CCSER1: variants seen among roughly 807,000 people sequenced by gnomAD.
CCSER1 encodes serine-rich coiled-coil domain-containing protein 1.
CCSER1 carries 41 observed loss-of-function variants against 82.0 expected under a neutral mutation model. The ratio of observed to expected loss-of-function variants is 0.50; its 90% CI spans 0.39 to 0.65. The LOEUF is 0.65. CCSER1 is among the 30% of genes least tolerant of loss of function. The pLI, the probability that CCSER1 is intolerant of heterozygous loss-of-function variation, is 0.00. For synonymous variants in CCSER1, 414 were observed against 383.9 expected (o/e 1.08, Z -0.92); for missense variants, 1,119 against 1,064.2 (o/e 1.05, Z -0.72).
At chr4:91,075,099 G>A (rs1020108799) in intron 9 of CCSER1, among the ~76,000 whole-genome samples, 1 of 152,002 alleles carries the variant, frequency 6.6e-6, no homozygotes, top group African/African-American at 2.4e-5. Context: ...CTTAGACAAA[G>A]TGGGTCTGTA....
chr4:90,412,526 CA>C (rs33926523), intron 4 of CCSER1, among the ~76,000 whole-genome samples: 62,835 of 138,396 alleles, frequency 0.45, 14,626 homozygotes, highest in African/African-American at 0.63. Context: ...ATATAAACAT[CA>C]AAAAAAAAAA....
chr4:90,193,314 A>G (rs963890146), intron 1 of CCSER1, among the ~76,000 whole-genome samples: 7 of 152,094 alleles, frequency 4.6e-5, no homozygotes, highest in African/African-American at 1.7e-4. Flanking sequence ...CAATAAATAT[A>G]TAGAGTTGCT....
At chr4:90,477,685 G>A (rs1395450327) in intron 5 of CCSER1, among the ~76,000 whole-genome samples, 1 of 150,232 alleles carries the variant, frequency 6.7e-6, no homozygotes, top group Non-Finnish European at 1.5e-5. Context: ...AATGTTTCCT[G>A]GTTTTTTTTT....
intron 1 of CCSER1, among the ~76,000 whole-genome samples, chr4:90,139,819 G>T (rs140736390): frequency 6.6e-6 from 1 of 152,128 alleles, no homozygotes; most frequent in African/African-American, 2.4e-5. Context: ...AATTAGCCAG[G>T]TGTGGTGGCA....
At chr4:90,468,179 G>T in intron 4 of CCSER1, 55 bp from the exon 5 acceptor site, 25 of 1,500,962 alleles carry the variant, frequency 1.7e-5, no homozygotes, top group Non-Finnish European at 2.1e-5. Context: ...AAGGAGATGT[G>T]AGACTAGTTC....
At chr4:90,252,043 T>A (rs1028985185) in intron 1 of CCSER1, among the ~76,000 whole-genome samples, 1 of 151,918 alleles carries the variant, frequency 6.6e-6, no homozygotes, top group African/African-American at 2.4e-5. Context: ...TGAAAGATAA[T>A]GTTATTGATG....
chr4:91,371,278 C>T (rs532756990), intron 10 of CCSER1, among the ~76,000 whole-genome samples: 243 of 152,166 alleles, frequency 1.6e-3, no homozygotes, highest in African/African-American at 5.3e-3. Flanking sequence ...CCCCACTTAC[C>T]GTGCCCCCAA....
chr4:90,869,056 A>G (rs1377934835), intron 8 of CCSER1, among the ~76,000 whole-genome samples: 1 of 151,786 alleles, frequency 6.6e-6, no homozygotes, highest in Non-Finnish European at 1.5e-5. Flanking sequence ...TGGATTATTA[A>G]GTTTTTTCCT....
intron 1 of CCSER1, among the ~76,000 whole-genome samples, chr4:90,254,838 T>A (rs1388054036): frequency 6.6e-6 from 1 of 152,188 alleles, no homozygotes; most frequent in East Asian, 1.9e-4. Flanking sequence ...AACTTCCTGA[T>A]AATTTAAGTG....
chr4:90,970,417 A>C (rs376933703), intron 9 of CCSER1, among the ~76,000 whole-genome samples: 1 of 152,014 alleles, frequency 6.6e-6, no homozygotes, highest in Non-Finnish European at 1.5e-5. Context: ...AAGTGAAAAA[A>C]ATATATGCAT....
At chr4:90,547,292 A>T (rs1776885624) in intron 5 of CCSER1, among the ~76,000 whole-genome samples, 1 of 151,998 alleles carries the variant, frequency 6.6e-6, no homozygotes, top group Non-Finnish European at 1.5e-5. Context: ...AGATTTTTTT[A>T]ATCTTTATAC....
At chr4:90,205,824 T>C (rs1471385425) in intron 1 of CCSER1, among the ~76,000 whole-genome samples, 1 of 152,166 alleles carries the variant, frequency 6.6e-6, no homozygotes, top group Non-Finnish European at 1.5e-5. Flanking sequence ...ATCCATCTGG[T>C]CCTGGGCTTT....
At chr4:90,877,585 A>G (rs752330432) in intron 8 of CCSER1, among the ~76,000 whole-genome samples, 4 of 152,228 alleles carry the variant, frequency 2.6e-5, no homozygotes, top group Non-Finnish European at 5.9e-5. Flanking sequence ...AATGTTGACT[A>G]AGAAAGACTC....
At chr4:90,387,873 C>A (rs1323381038) in intron 3 of CCSER1, among the ~76,000 whole-genome samples, 1 of 152,100 alleles carries the variant, frequency 6.6e-6, no homozygotes, top group Non-Finnish European at 1.5e-5. Flanking sequence ...TAAACCATAA[C>A]CAAAAACATA....
At chr4:91,485,630 G>C (rs1442745203) in intron 10 of CCSER1, among the ~76,000 whole-genome samples, 1 of 152,080 alleles carries the variant, frequency 6.6e-6, no homozygotes, top group Non-Finnish European at 1.5e-5. Context: ...CCTAACCTTT[G>C]CAAGCTGCCT....
At chr4:90,535,488 T>C (rs1274752517) in intron 5 of CCSER1, among the ~76,000 whole-genome samples, 2 of 152,184 alleles carry the variant, frequency 1.3e-5, no homozygotes, top group Non-Finnish European at 2.9e-5. Flanking sequence ...TAAAACTCAT[T>C]TGATTTAAAG....
chr4:91,358,564 C>G (rs1468833178), intron 10 of CCSER1, among the ~76,000 whole-genome samples: 1 of 151,950 alleles, frequency 6.6e-6, no homozygotes, highest in Non-Finnish European at 1.5e-5. Context: ...AAACCAAAAC[C>G]AAAGTATCCA....
chr4:90,143,491 T>TACACAC (rs56859054), intron 1 of CCSER1, among the ~76,000 whole-genome samples: 38,691 of 141,212 alleles, frequency 0.27, 5,515 homozygotes, highest in East Asian at 0.45. Context: ...AGTACACACA[T>TACACAC]ACACACACAC....
At chr4:91,514,875 G>A (rs909431422) in intron 10 of CCSER1, among the ~76,000 whole-genome samples, 21 of 152,182 alleles carry the variant, frequency 1.4e-4, no homozygotes, top group African/African-American at 5.1e-4. Flanking sequence ...CTTTTAAGCA[G>A]AGGAGAAATA....
Sources: gnomAD v4.1 joint callset for allele counts (sites outside exome capture counted in the v4.1 genomes callset) on GRCh38, gnomAD v4.1.1 for gene constraint, MANE v1.5 for transcripts, NCBI Gene and HGNC (gene_info 2026-07-23, HGNC 2026-07-21) for gene names.